Variants in CADM2 observed in about 807,000 individuals in gnomAD.
The protein encoded by CADM2 is cell adhesion molecule 2.
Under a neutral mutation model 49.8 loss-of-function variants are expected in CADM2, and 12 were observed. The observed-to-expected ratio is 0.24, with a 90% confidence interval of 0.15 to 0.39. The LOEUF (loss-of-function observed/expected upper bound fraction) is 0.39, where lower values mean the gene tolerates loss of function less well. Among genes scored for constraint, CADM2 ranks in the 10% least tolerant of loss-of-function variants. The pLI is 1.00. For missense variants in CADM2, 378 were observed against 492.3 expected (o/e 0.77, Z 2.20); for synonymous variants, 214 against 175.4 (o/e 1.22, Z -1.74).
chr3:85,741,522 G>T (rs1164964722), intron 2 of CADM2, among the ~76,000 whole-genome samples: 6 of 151,878 alleles, frequency 4.0e-5, no homozygotes, highest in African/African-American at 1.2e-4. Flanking sequence ...ACAAAAATTA[G>T]CTGGGCATGG....
chr3:85,439,758 T>G (rs2037110094), intron 1 of CADM2, among the ~76,000 whole-genome samples: 1 of 152,024 alleles, frequency 6.6e-6, no homozygotes, highest in Admixed American at 6.6e-5. Context: ...ATAAAGAATA[T>G]GTGCTAAAAA....
At chr3:85,975,442 A>G (rs575760608) in intron 8 of CADM2, among the ~76,000 whole-genome samples, 5 of 151,442 alleles carry the variant, frequency 3.3e-5, no homozygotes, top group Non-Finnish European at 7.4e-5. Flanking sequence ...ATTGAAATTT[A>G]TCTTGTTTGG....
chr3:86,013,573 G>C, intron 8 of CADM2: 1 of 1,601,518 alleles, frequency 6.2e-7, no homozygotes, highest in Non-Finnish European at 8.5e-7. Context: ...TGTGAGAGCT[G>C]TATTCGAGAA....
At chr3:85,112,356 ATT>A (rs201365936) in intron 1 of CADM2, among the ~76,000 whole-genome samples, 3 of 144,226 alleles carry the variant, frequency 2.1e-5, no homozygotes, top group African/African-American at 2.5e-5. Context: ...AGAAACTGTC[ATT>A]TTTTTTTTTT....
chr3:85,396,579 G>A (rs111903034), intron 1 of CADM2, among the ~76,000 whole-genome samples: 19 of 151,950 alleles, frequency 1.3e-4, no homozygotes, highest in African/African-American at 4.6e-4. Flanking sequence ...TAGAAATATG[G>A]ATAGATGATT....
Position 85,940,921 on chromosome 3 carries a change from A to AC in CADM2, c.791+5069dup, listed in dbSNP as rs112370517. ...TGGAAAGTACAAAGATTTCTCCTAT[A>AC]CCCCCGTCCTCACCCACTGATAGCC... On this transcript the variant is annotated intron_variant, in intron 7 of 9. Transcript: ENST00000383699. Among the ~76,000 whole-genome samples, 910 of 150,922 alleles carry AC rather than the reference A, an allele frequency of 6.0e-3. 10 individuals carry two copies. The highest frequency in any genetic ancestry group is 0.02 in the African/African-American group (815 of 40,474).
intron 2 of CADM2, among the ~76,000 whole-genome samples, chr3:85,749,366 T>C (rs2068765445): frequency 6.6e-6 from 1 of 152,016 alleles, no homozygotes; most frequent in Admixed American, 6.6e-5. Context: ...ATGAGTTTCA[T>C]TTTTATAAAA....
intron 1 of CADM2, among the ~76,000 whole-genome samples, chr3:85,650,371 C>T (rs1482257709): frequency 1.3e-5 from 2 of 152,068 alleles, no homozygotes; most frequent in East Asian, 3.9e-4. Flanking sequence ...AAAGTACTGA[C>T]ATGGGGAAGT....
chr3:85,374,311 C>A (rs1333712651), intron 1 of CADM2, among the ~76,000 whole-genome samples: 6 of 152,166 alleles, frequency 3.9e-5, no homozygotes, highest in South Asian at 2.1e-4. Context: ...AGGGCTGGGG[C>A]AAATGCTTCC....
At chr3:85,476,927 C>G (rs1445665316) in intron 1 of CADM2, among the ~76,000 whole-genome samples, 3 of 129,214 alleles carry the variant, frequency 2.3e-5, no homozygotes, top group South Asian at 2.5e-4. Flanking sequence ...CACACACACA[C>G]AGATCTATTT....
chr3:86,014,429 T>C (rs1483665281), intron 8 of CADM2: 33 of 1,484,118 alleles, frequency 2.2e-5, no homozygotes, highest in Non-Finnish European at 9.9e-6. Context: ...TTGAAGTTTA[T>C]CATGAATTTT....
chr3:85,054,134 A>ATAATTCAT (rs2035986652), intron 1 of CADM2, among the ~76,000 whole-genome samples: 1 of 151,994 alleles, frequency 6.6e-6, no homozygotes, highest in South Asian at 2.1e-4. Context: ...AATTAAAAAC[A>ATAATTCAT]GTGTCATAAG....
At chr3:85,111,684 G>GAT (rs1247117504) in intron 1 of CADM2, among the ~76,000 whole-genome samples, 1 of 151,692 alleles carries the variant, frequency 6.6e-6, no homozygotes, top group African/African-American at 2.4e-5. Flanking sequence ...CCTACTATTT[G>GAT]ATAGCACAAT....
intron 1 of CADM2, among the ~76,000 whole-genome samples, chr3:85,372,751 G>A (rs144150076): frequency 6.6e-6 from 1 of 152,196 alleles, no homozygotes; most frequent in Admixed American, 6.5e-5. Context: ...TGACTGGGGA[G>A]GCCTCAAAAT....
rs148603937 is a variant in CADM2, at chr3:85,451,479, G to A, written c.62-275043G>A. 7.3e-3 allele frequency among the ~76,000 whole-genome samples: 1,111 copies of A among 152,200 alleles called. 13 individuals carry two copies. The highest frequency in any genetic ancestry group is 0.025 in the African/African-American group (1,057 of 41,542). Reference sequence around the variant, plus strand: ...CCTCCCCGGAAGTAATAGTACTGCAGATGAACACCCACAGCTGTTTTGTTT... The same window carrying A: ...CCTCCCCGGAAGTAATAGTACTGCAAATGAACACCCACAGCTGTTTTGTTT... On this transcript the variant is annotated intron_variant, in intron 1 of 9. Transcript: ENST00000383699.
chr3:85,846,719 C>T lies in CADM2; in HGVS notation c.239-36572C>T, dbSNP rs140159938. ...CTCTCTACAGATTAAAAAAATCAGC[C>T]GATGTGGTGGTGCATGCCTGTAGTC... is the stretch of plus-strand genomic sequence containing the variant. On this transcript the variant is annotated intron_variant, in intron 3 of 9. Coordinates refer to ENST00000383699, the MANE Select transcript of CADM2 (RefSeq NM_001167675.2). 1.8e-3 allele frequency among the ~76,000 whole-genome samples: 268 copies of T among 151,736 alleles called. 1 individual carries two copies. The highest frequency in any genetic ancestry group is 6.0e-3 in the African/African-American group (248 of 41,374).
At chr3:85,931,285 G>A (rs530881909) in intron 6 of CADM2, among the ~76,000 whole-genome samples, 76 of 151,858 alleles carry the variant, frequency 5.0e-4, no homozygotes, top group African/African-American at 1.7e-3. Flanking sequence ...GCAAGAGAAA[G>A]AAAATTAGCC....
intron 1 of CADM2, among the ~76,000 whole-genome samples, chr3:85,356,151 A>G (rs1191803000): frequency 1.3e-5 from 2 of 152,088 alleles, no homozygotes; most frequent in Non-Finnish European, 2.9e-5. Flanking sequence ...TGAGGTAGCT[A>G]TACTATCAGA....
intron 1 of CADM2, among the ~76,000 whole-genome samples, chr3:85,128,896 C>G (rs1471952618): frequency 6.6e-6 from 1 of 152,068 alleles, no homozygotes; most frequent in Non-Finnish European, 1.5e-5. Context: ...CTATGCAATT[C>G]CTTCCAAAAA....
Sources: gnomAD v4.1 joint callset for allele counts (sites outside exome capture counted in the v4.1 genomes callset) on GRCh38, gnomAD v4.1.1 for gene constraint, MANE v1.5 for transcripts, NCBI Gene and HGNC (gene_info 2026-07-23, HGNC 2026-07-21) for gene names.